DCLK1: variants seen among roughly 807,000 people sequenced by gnomAD.
The protein encoded by DCLK1 is serine/threonine-protein kinase DCLK1.
Under a neutral mutation model 86.2 loss-of-function variants are expected in DCLK1, and 16 were observed. That is an observed-to-expected ratio of 0.19 (90% CI 0.13 to 0.28). The LOEUF is 0.28. Ranked by LOEUF, DCLK1 falls within the 10% of genes least tolerant of loss-of-function variation. DCLK1 has a pLI of 1.00. For synonymous variants in DCLK1, 369 were observed against 370.5 expected (o/e 1.00, Z 0.05); for missense variants, 590 against 940.2 (o/e 0.63, Z 4.87).
chr13:35,942,207 C>A (rs550031670), intron 4 of DCLK1, among the ~76,000 whole-genome samples: 4 of 152,104 alleles, frequency 2.6e-5, no homozygotes, highest in African/African-American at 4.8e-5. Context: ...TGATCTGTTG[C>A]CTAGGCTGGA....
chr13:36,045,340 A>G lies in DCLK1; in HGVS notation c.723+66529T>C, dbSNP rs1417271883. ...TATATGTGTGTGTGTGTGTATATATATATATATATATATATATATATATAT... is the reference window on the plus strand; with the variant it reads ...TATATGTGTGTGTGTGTGTATATATGTATATATATATATATATATATATAT... On this transcript the variant is annotated intron_variant, in intron 3 of 16. Coordinates refer to ENST00000360631, the MANE Select transcript of DCLK1 (RefSeq NM_001330071.2). Among the ~76,000 whole-genome samples the G allele has an allele frequency of 2.6e-3, 252 of 96,948 alleles. 2 individuals are homozygous for G. The highest frequency in any genetic ancestry group is 0.012 in the African/African-American group (239 of 20,354). 63.6% of individuals were successfully genotyped at this position (96,948 alleles called of 152,430 possible). A position where few individuals can be genotyped will look rare whatever the true frequency, so the allele number is the denominator to read the frequency against.
At chr13:35,951,522 A>G (rs1877691566) in intron 3 of DCLK1, among the ~76,000 whole-genome samples, 1 of 150,560 alleles carries the variant, frequency 6.6e-6, no homozygotes, top group Non-Finnish European at 1.5e-5. Context: ...TACCTTCTCT[A>G]TCCACTCTAA....
intron 3 of DCLK1, among the ~76,000 whole-genome samples, chr13:35,984,674 G>A (rs1879814310): frequency 6.6e-6 from 1 of 152,160 alleles, no homozygotes; most frequent in Non-Finnish European, 1.5e-5. Context: ...TCTGCAGAGA[G>A]GAGAAATTTT....
chr13:35,841,941 A>G (rs1178916210), intron 6 of DCLK1, among the ~76,000 whole-genome samples: 4 of 152,050 alleles, frequency 2.6e-5, no homozygotes, highest in Non-Finnish European at 5.9e-5. Flanking sequence ...AATGCCCCCT[A>G]CAGAAATCCC....
chr13:35,934,355 A>C (rs1876635392), intron 4 of DCLK1, among the ~76,000 whole-genome samples: 1 of 152,132 alleles, frequency 6.6e-6, no homozygotes, highest in Admixed American at 6.6e-5. Context: ...GTCTGTTTTC[A>C]TGTGCTGATG....
At chr13:36,037,399 G>C (rs1259763700) in intron 3 of DCLK1, among the ~76,000 whole-genome samples, 6 of 152,070 alleles carry the variant, frequency 3.9e-5, no homozygotes, top group Admixed American at 6.6e-5. Context: ...TTTTTCTAAT[G>C]TTCCTAGCAT....
chr13:35,839,913 T>C (rs568857272), intron 6 of DCLK1, among the ~76,000 whole-genome samples: 1 of 152,356 alleles, frequency 6.6e-6, no homozygotes, highest in South Asian at 2.1e-4. Flanking sequence ...GGCAGTACTT[T>C]AACAATGAAT....
intron 3 of DCLK1, among the ~76,000 whole-genome samples, chr13:36,045,750 T>A (rs964463258): frequency 3.3e-5 from 5 of 151,602 alleles, no homozygotes; most frequent in African/African-American, 1.2e-4. Flanking sequence ...TACATTAGGA[T>A]GCTGAGGCAG....
chr13:36,124,420 C>A (rs574067333), intron 2 of DCLK1, among the ~76,000 whole-genome samples: 1 of 152,340 alleles, frequency 6.6e-6, no homozygotes, highest in East Asian at 1.9e-4. Context: ...TGAATTCCCA[C>A]AAAATAAACA....
rs11838469 is a variant in DCLK1 at position 35,914,712 on chromosome 13, T to C, written c.823+32646A>G. 4.9e-3 allele frequency among the ~76,000 whole-genome samples: 729 copies of C among 147,346 alleles called. 5 individuals are homozygous for C. The highest frequency in any genetic ancestry group is 0.017 in the African/African-American group (698 of 39,902). ...GCCTGGGTGGCAGAGTGAGATTCTA[T>C]CTCAAAAAAAAAAAAAAAGAAACTA... On this transcript the variant is annotated intron_variant, in intron 4 of 16. Coordinates refer to ENST00000360631, the MANE Select transcript of DCLK1 (RefSeq NM_001330071.2).
chr13:35,898,844 C>T (rs1393328911), intron 4 of DCLK1, among the ~76,000 whole-genome samples: 4 of 152,012 alleles, frequency 2.6e-5, no homozygotes, highest in South Asian at 2.1e-4. Flanking sequence ...TGGGCTCAAG[C>T]GATCCTCCTA....
At chr13:35,926,029 A>G (rs1265405211) in intron 4 of DCLK1, among the ~76,000 whole-genome samples, 1 of 152,032 alleles carries the variant, frequency 6.6e-6, no homozygotes, top group Non-Finnish European at 1.5e-5. Context: ...TCTCTTGGCC[A>G]GAAGGGAAGA....
intron 4 of DCLK1, among the ~76,000 whole-genome samples, chr13:35,938,937 T>C (rs1441317220): frequency 1.3e-5 from 2 of 152,176 alleles, no homozygotes; most frequent in Non-Finnish European, 2.9e-5. Context: ...TGTTATACAA[T>C]GCCTTGATTT....
At chr13:35,877,720 G>A (rs369450802) in intron 4 of DCLK1, among the ~76,000 whole-genome samples, 34 of 152,300 alleles carry the variant, frequency 2.2e-4, no homozygotes, top group African/African-American at 7.7e-4. Flanking sequence ...ATAAGCAGTA[G>A]ATGCTTTGTG....
intron 3 of DCLK1, among the ~76,000 whole-genome samples, chr13:35,956,366 G>T (rs570706315): frequency 8.5e-5 from 13 of 152,108 alleles, no homozygotes; most frequent in Non-Finnish European, 1.8e-4. Flanking sequence ...TTGCACAAAA[G>T]ATTCATGCAA....
At chr13:36,103,944 G>A (rs924569580) in intron 3 of DCLK1, among the ~76,000 whole-genome samples, 3 of 152,160 alleles carry the variant, frequency 2.0e-5, no homozygotes, top group Admixed American at 6.5e-5. Context: ...TGACTCAGAC[G>A]GCGAGATGTT....
At chr13:35,787,073 C>CATAT (rs1029598015) in intron 16 of DCLK1, among the ~76,000 whole-genome samples, 4 of 149,876 alleles carry the variant, frequency 2.7e-5, no homozygotes, top group South Asian at 2.1e-4. Flanking sequence ...GGGCTAAAAT[C>CATAT]ATATATATAT....
At chr13:35,958,074 AC>A (rs2153136173) in intron 3 of DCLK1, among the ~76,000 whole-genome samples, 1 of 120,346 alleles carries the variant, frequency 8.3e-6, no homozygotes, top group Non-Finnish European at 1.6e-5. Flanking sequence ...TAGCACCACC[AC>A]CACTACTATA....
chr13:35,805,538 A>G (rs1324923628), intron 15 of DCLK1, 161 bp downstream of exon 15: 4 of 626,122 alleles, frequency 6.4e-6, no homozygotes, highest in African/African-American at 1.9e-5. Flanking sequence ...AGCTCAGGCA[A>G]TCCACCCACC....
Sources: gnomAD v4.1 joint callset for allele counts (sites outside exome capture counted in the v4.1 genomes callset) on GRCh38, gnomAD v4.1.1 for gene constraint, MANE v1.5 for transcripts, NCBI Gene and HGNC (gene_info 2026-07-23, HGNC 2026-07-21) for gene names.